The following CXADR variants were observed in gnomAD, a reference collection of about 807,000 sequenced individuals.
The protein encoded by CXADR is coxsackievirus and adenovirus receptor.
Under a neutral mutation model 40.3 loss-of-function variants are expected in CXADR, and 20 were observed. That is an observed-to-expected ratio of 0.50 (90% CI 0.35 to 0.72). The LOEUF is 0.72. CXADR is among the 30% of genes least tolerant of loss of function. The probability of loss-of-function intolerance (pLI) is 0.01; values close to 1 mark genes in which losing one functional copy is unlikely to be tolerated. For synonymous variants in CXADR, 150 were observed against 161.3 expected (o/e 0.93, Z 0.53); for missense variants, 332 against 449.1 (o/e 0.74, Z 2.36).
At chr21:17,542,368 A>G (rs558378746) in intron 1 of CXADR, among the ~76,000 whole-genome samples, 8 of 152,316 alleles carry the variant, frequency 5.3e-5, no homozygotes, top group African/African-American at 1.2e-4. Flanking sequence ...AGCTTCTTCC[A>G]TTCTCTCCAG....
chr21:17,522,082 A>T (rs1414181274), intron 1 of CXADR, among the ~76,000 whole-genome samples: 1 of 151,702 alleles, frequency 6.6e-6, no homozygotes. Context: ...CAGTGGGCTC[A>T]GGTGATTCTT....
Position 17,569,569 on chromosome 21 carries a change from T to C in CXADR, c.*3877T>C, listed in dbSNP as rs943743662. 16 of 985,204 alleles carry C rather than the reference T, an allele frequency of 1.6e-5. No homozygotes were observed. Among genetic ancestry groups the C allele is most frequent in the Non-Finnish European group, 1.8e-5 (15 of 829,866 alleles). The allele number at this position is 985,204 out of a possible 1,614,324, so 61.0% of individuals were successfully genotyped here. ...GCACAAATTCCTTTTATAAATGTTA[T>C]AGAAGCAGGGAAGAATAATAAACAC... On this transcript the variant is annotated 3_prime_UTR_variant, in exon 7 of 7. Coordinates refer to ENST00000284878, the MANE Select transcript of CXADR (RefSeq NM_001338.5).
chr21:17,586,382 G>GTA (rs199918869), intron 7 of CXADR, among the ~76,000 whole-genome samples: 319 of 140,534 alleles, frequency 2.3e-3, no homozygotes, highest in Middle Eastern at 7.4e-3. Context: ...CAAAATGTGT[G>GTA]TATATATATA....
At chr21:17,603,534 G>A in the CXADR span, among the ~76,000 whole-genome samples, 1 of 152,252 alleles carries the variant, frequency 6.6e-6, no homozygotes, top group Non-Finnish European at 1.5e-5. Flanking sequence ...CTTCATTGCT[G>A]GAATCAGGTC....
chr21:17,548,593 G>C (rs1250495218), intron 2 of CXADR, among the ~76,000 whole-genome samples: 1 of 152,178 alleles, frequency 6.6e-6, no homozygotes, highest in Non-Finnish European at 1.5e-5. Flanking sequence ...TCCCGCTTTA[G>C]AGCCCAGGAC....
the CXADR span, among the ~76,000 whole-genome samples, chr21:17,632,160 A>G: frequency 7.2e-5 from 11 of 152,334 alleles, no homozygotes; most frequent in East Asian, 2.1e-3. Context: ...TGAGAATTTG[A>G]GTATAAATAA....
At chr21:17,584,102 T>C (rs1188566992) in intron 7 of CXADR, among the ~76,000 whole-genome samples, 1 of 152,210 alleles carries the variant, frequency 6.6e-6, no homozygotes, top group Non-Finnish European at 1.5e-5. Context: ...TTACTCATGA[T>C]TTAAGATAAA....
In CXADR at chr21:17,551,892, T is replaced by C. The variant is rs764268202; in HGVS notation, c.354T>C (p.Tyr118=). The C allele has an allele frequency of 2.5e-6, 4 of 1,613,998 alleles. No individual in the cohort carries two copies. The highest frequency in any genetic ancestry group is 3.4e-6 in the Non-Finnish European group (4 of 1,179,902). ...TACAACTGTCAGATATTGGCACATA[T>C]CAGTGCAAAGTGAAAAAAGCTCCTG... ...TNLQLSDIGT[Y]QCKVKKAPGV... Residue 118 remains tyrosine, a synonymous_variant, in exon 3 of 7, where the codon TAT becomes TAC. Transcript: ENST00000284878.
downstream of CXADR, among the ~76,000 whole-genome samples, chr21:17,572,690 T>C (rs1194014868): frequency 1.3e-5 from 2 of 152,130 alleles, no homozygotes; most frequent in East Asian, 3.9e-4. Flanking sequence ...ATTTCCATGC[T>C]GAGGCACTAA....
downstream of CXADR, among the ~76,000 whole-genome samples, chr21:17,572,497 C>T (rs1229170055): frequency 3.3e-5 from 5 of 152,068 alleles, no homozygotes; most frequent in South Asian, 2.1e-4. Flanking sequence ...TCAGTAGTAG[C>T]GAACACGGAA....
At chr21:17,585,051 T>A (rs2061385412) in intron 7 of CXADR, among the ~76,000 whole-genome samples, 1 of 152,212 alleles carries the variant, frequency 6.6e-6, no homozygotes, top group Admixed American at 6.5e-5. Context: ...TGTTTTTCCA[T>A]TGAATTTTGT....
At chr21:17,589,964 T>C (rs1601067696) in intron 7 of CXADR, among the ~76,000 whole-genome samples, 1 of 152,114 alleles carries the variant, frequency 6.6e-6, no homozygotes, top group Non-Finnish European at 1.5e-5. Context: ...TTAGTGTTCA[T>C]ATATTTATTG....
Position 17,566,480 on chromosome 21 carries a change from T to A in CXADR, c.*788T>A, listed in dbSNP as rs1356892292. ...TTTTGTTGGTGAGTAGTCTCATGCC[T>A]TGAGATCTGTGGTGGTCTTCAAAAT... On this transcript the variant is annotated 3_prime_UTR_variant, in exon 7 of 7. Transcript: ENST00000284878. The A allele has an allele frequency of 2.0e-6, 2 of 985,410 alleles. No homozygotes were observed. The highest frequency in any genetic ancestry group is 3.5e-5 in the African/African-American group (2 of 57,358). The allele number at this position is 985,410 out of a possible 1,614,324, so 61.0% of individuals were successfully genotyped here.
the CXADR span, among the ~76,000 whole-genome samples, chr21:17,624,142 A>C: frequency 1.3e-5 from 2 of 151,486 alleles, no homozygotes; most frequent in East Asian, 3.9e-4. Flanking sequence ...ACAGTAGCTG[A>C]CCCCTCATTT....
the CXADR span, among the ~76,000 whole-genome samples, chr21:17,599,475 ATTTTTT>A: frequency 8.5e-6 from 1 of 117,244 alleles, no homozygotes; most frequent in African/African-American, 3.3e-5. Flanking sequence ...CCACTGGCTG[ATTTTTT>A]TTTTTTTTTT....
chr21:17,588,902 T>C (rs2061415895), intron 7 of CXADR, among the ~76,000 whole-genome samples: 1 of 152,098 alleles, frequency 6.6e-6, no homozygotes, highest in Non-Finnish European at 1.5e-5. Context: ...GTAAAGCTTT[T>C]ATAATATCAG....
At chr21:17,605,157 G>C in the CXADR span, 8 of 802,848 alleles carry the variant, frequency 1.0e-5, no homozygotes, top group African/African-American at 1.8e-5. Flanking sequence ...TAATAAATGT[G>C]AACTACAGGC....
At chr21:17,612,026 G>A in the CXADR span, 2 of 152,396 alleles carry the variant, frequency 1.3e-5, no homozygotes, top group East Asian at 1.9e-4. Flanking sequence ...GGGGCTAAGA[G>A]TTGGACTTTC....
At chr21:17,616,955 T>A in the CXADR span, among the ~76,000 whole-genome samples, 1 of 152,220 alleles carries the variant, frequency 6.6e-6, no homozygotes, top group Admixed American at 6.5e-5. Flanking sequence ...CTCCGTTACA[T>A]CATGCCATAA....
Sources: allele counts gnomAD v4.1 joint callset (sites outside exome capture counted in the v4.1 genomes callset), GRCh38; gene constraint gnomAD v4.1.1; transcripts MANE v1.5; gene names NCBI Gene and HGNC (gene_info 2026-07-23, HGNC 2026-07-21).